BZW2: variants seen among roughly 807,000 people sequenced by gnomAD.
BZW2 encodes the protein basic leucine zipper and W2 domains 2, also known as eIF5-mimic protein 1.
Under a neutral mutation model 53.2 loss-of-function variants are expected in BZW2, and 23 were observed. The observed-to-expected ratio is 0.43, with a 90% CI of 0.31 to 0.61. The LOEUF (loss-of-function observed/expected upper bound fraction) is 0.61. Ranked by LOEUF, BZW2 falls within the 20% of genes least tolerant of loss-of-function variation. The probability of loss-of-function intolerance (pLI) is 0.09; values close to 1 mark genes in which losing one functional copy is unlikely to be tolerated. For missense variants in BZW2, 409 were observed against 503.1 expected, an observed-to-expected ratio of 0.81 and a Z score of 1.79; for synonymous variants, 227 against 186.4, an observed-to-expected ratio of 1.22 and a Z score of -1.77.
At chr7:16,685,805 T>G in intron 5 of BZW2, 100 bp from the exon 6 acceptor site, 1 of 1,376,206 alleles carries the variant, frequency 7.3e-7, no homozygotes, top group Non-Finnish European at 9.6e-7. Context: ...GCCATGGATG[T>G]TCACAGTTTA....
At chr7:16,699,851 C>CT (rs1562498776) in intron 10 of BZW2, among the ~76,000 whole-genome samples, 1 of 152,156 alleles carries the variant, frequency 6.6e-6, no homozygotes, top group African/African-American at 2.4e-5. Flanking sequence ...AAACTGGCTA[C>CT]TTTGAGTTTT....
At position 16,681,407 on chromosome 7, in the gene BZW2, A is replaced by G. The variant is rs1470441528; in HGVS notation, c.339+3A>G. On this transcript the variant is annotated splice_donor_region_variant and intron_variant, in intron 4 of 11. Transcript: ENST00000258761. Reference sequence around the variant, plus strand: ...AAACCATCCGAAACTATGCTCAGGTAGAGCCTGTTTGAGAGACTGAAGCAT... The same window carrying G: ...AAACCATCCGAAACTATGCTCAGGTGGAGCCTGTTTGAGAGACTGAAGCAT... 2 of 1,612,058 alleles carry G rather than the reference A, an allele frequency of 1.2e-6. No individual in the cohort carries two copies. The highest frequency in any genetic ancestry group is 8.5e-7 in the Non-Finnish European group (1 of 1,178,288).
chr7:16,657,496 T>G (rs187876646), intron 1 of BZW2, among the ~76,000 whole-genome samples: 1 of 152,330 alleles, frequency 6.6e-6, no homozygotes, highest in Non-Finnish European at 1.5e-5. Context: ...CTGCTGGTGT[T>G]GAGCTTCTTT....
chr7:16,674,369 T>G, intron 2 of BZW2, 43 bp from the exon 3 acceptor site: 1 of 1,368,212 alleles, frequency 7.3e-7, no homozygotes, highest in African/African-American at 1.5e-5. Context: ...CTCTCAGTAT[T>G]TATTTATTTA....
At chr7:16,687,870 G>A (rs1391099160) in intron 6 of BZW2, among the ~76,000 whole-genome samples, 6 of 152,178 alleles carry the variant, frequency 3.9e-5, no homozygotes, top group Admixed American at 2.0e-4. Flanking sequence ...AGTTTCAAGC[G>A]TAGTTTTTCT....
Position 16,685,997 on chromosome 7 carries a change from C to T in BZW2, c.498C>T (p.Ala166=), listed in dbSNP as rs767957653. 7 of 1,608,488 alleles carry T rather than the reference C, an allele frequency of 4.4e-6. No individual in the cohort carries two copies. The Admixed American group carries it at 1.2e-4, about 27-fold the overall frequency. ...GILLGNGTLP[A]TILTSLFTDS... ...TGCTGGGCAATGGCACCCTGCCCGC[C>T]ACCATCCTCACCAGTCTCTTCACCG... Residue 166 remains alanine, a synonymous_variant, in exon 6 of 12, where the codon GCC becomes GCT. Transcript: ENST00000258761.
At chr7:16,678,536 T>C (rs1782838674) in intron 3 of BZW2, among the ~76,000 whole-genome samples, 1 of 152,224 alleles carries the variant, frequency 6.6e-6, no homozygotes, top group Non-Finnish European at 1.5e-5. Flanking sequence ...ATATTATTAA[T>C]ATGTAATAAG....
intron 4 of BZW2, among the ~76,000 whole-genome samples, chr7:16,682,306 G>T (rs1043500813): frequency 6.6e-6 from 1 of 152,128 alleles, no homozygotes; most frequent in Non-Finnish European, 1.5e-5. Context: ...AGTTCTAACA[G>T]GACTGTAGGG....
intron 1 of BZW2, among the ~76,000 whole-genome samples, chr7:16,649,577 G>A (rs1197786524): frequency 1.3e-5 from 2 of 152,168 alleles, no homozygotes; most frequent in Non-Finnish European, 2.9e-5. Flanking sequence ...GGAGAATGCT[G>A]CCTTTTTGTT....
intron 1 of BZW2, among the ~76,000 whole-genome samples, chr7:16,646,820 G>T (rs923737862): frequency 1.3e-5 from 2 of 151,926 alleles, no homozygotes; most frequent in Non-Finnish European, 2.9e-5. Context: ...GCTTGTTAAA[G>T]ATGTTTGGAA....
intron 2 of BZW2, among the ~76,000 whole-genome samples, chr7:16,667,207 C>A (rs1782456311): frequency 6.7e-6 from 1 of 149,920 alleles, no homozygotes; most frequent in Admixed American, 6.7e-5. Flanking sequence ...CGCTTGAACC[C>A]AGGATTGGGA....
intron 1 of BZW2, among the ~76,000 whole-genome samples, chr7:16,656,150 T>TATATATACACAC (rs143994492): frequency 6.7e-6 from 1 of 150,164 alleles, no homozygotes; most frequent in African/African-American, 2.5e-5. Flanking sequence ...TATATATATA[T>TATATATACACAC]ACATAAATAT....
intron 3 of BZW2, among the ~76,000 whole-genome samples, chr7:16,676,284 C>T (rs148445920): frequency 0.019 from 2,835 of 152,206 alleles, 89 homozygotes; most frequent in African/African-American, 0.063. Flanking sequence ...CACGGTGGCT[C>T]ACACCTGTAA....
chr7:16,665,848 C>T lies in BZW2; in HGVS notation c.58+347C>T, dbSNP rs574684593. Among the ~76,000 whole-genome samples the T allele has an allele frequency of 9.2e-5, 14 of 152,084 alleles. No homozygotes were observed. The South Asian group carries it at 2.9e-3, about 32-fold the overall frequency. ...TGTCGTTTTATGAAAACGTTGATGG[C>T]AAAGATGATAAAATGAAAAGTAAAT... On this transcript the variant is annotated intron_variant, in intron 2 of 11. Coordinates refer to ENST00000258761, the MANE Select transcript of BZW2 (RefSeq NM_014038.3).
At chr7:16,658,105 G>C (rs1217865691) in intron 1 of BZW2, among the ~76,000 whole-genome samples, 1 of 152,152 alleles carries the variant, frequency 6.6e-6, no homozygotes, top group Non-Finnish European at 1.5e-5. Flanking sequence ...AGCCCTTGGG[G>C]GAAGGGCAGG....
intron 2 of BZW2, among the ~76,000 whole-genome samples, chr7:16,672,508 G>A (rs1043175257): frequency 1.3e-5 from 2 of 151,706 alleles, no homozygotes; most frequent in South Asian, 2.1e-4. Context: ...TCCCACTTCT[G>A]TTGCAGTATC....
chr7:16,671,255 TGTTTAGG>T (rs1167786809), intron 2 of BZW2, among the ~76,000 whole-genome samples: 1 of 152,158 alleles, frequency 6.6e-6, no homozygotes, highest in East Asian at 1.9e-4. Context: ...GCTACACCAA[TGTTTAGG>T]GTTTATATTT....
At chr7:16,678,155 C>T (rs75085536) in intron 3 of BZW2, among the ~76,000 whole-genome samples, 3,185 of 143,608 alleles carry the variant, frequency 0.022, 116 homozygotes, top group African/African-American at 0.078. Flanking sequence ...CTGCAACTTC[C>T]GCCTCCTGGA....
At chr7:16,693,667 T>C (rs1300916495) in intron 7 of BZW2, among the ~76,000 whole-genome samples, 1 of 152,188 alleles carries the variant, frequency 6.6e-6, no homozygotes, top group Non-Finnish European at 1.5e-5. Flanking sequence ...AGAAACTCAA[T>C]AAAAATACAT....
Sources: allele counts gnomAD v4.1 joint callset (sites outside exome capture counted in the v4.1 genomes callset), GRCh38; gene constraint gnomAD v4.1.1; transcripts MANE v1.5; gene names NCBI Gene and HGNC (gene_info 2026-07-23, HGNC 2026-07-21).